Variants in STX6 observed in about 807,000 individuals in gnomAD.
STX6 encodes syntaxin-6.
In STX6, 23 loss-of-function variants were observed where a neutral mutation model predicts 38.0. That is an observed-to-expected ratio of 0.60 (90% CI 0.43 to 0.86). STX6 has a LOEUF of 0.86. STX6 is among the 40% of genes least tolerant of loss of function. The pLI is 0.00. For missense variants in STX6, 274 were observed against 312.9 expected (o/e 0.88, Z 0.94); for synonymous variants, 123 against 107.5 (o/e 1.14, Z -0.89).
intron 1 of STX6, among the ~76,000 whole-genome samples, chr1:181,009,666 G>T (rs777882204): frequency 1.3e-5 from 2 of 152,146 alleles, no homozygotes; most frequent in African/African-American, 4.8e-5. Flanking sequence ...AGGTGGTGGG[G>T]TAACTGGAAT....
At chr1:180,982,248 CA>C (rs1655437568) in intron 7 of STX6, among the ~76,000 whole-genome samples, 1 of 152,050 alleles carries the variant, frequency 6.6e-6, no homozygotes, top group Admixed American at 6.5e-5. Flanking sequence ...TGAACTTCTG[CA>C]AAAATTATGG....
intron 7 of STX6, chr1:180,980,544 ACT>A (rs1655377698): frequency 2.2e-5 from 1 of 44,874 alleles, no homozygotes; most frequent in Non-Finnish European, 4.5e-5. Flanking sequence ...AAAAACCTGC[ACT>A]TTTTTTTTTT....
At chr1:180,979,437 C>T (rs1655341168) in intron 7 of STX6, among the ~76,000 whole-genome samples, 1 of 152,194 alleles carries the variant, frequency 6.6e-6, no homozygotes, top group African/African-American at 2.4e-5. Flanking sequence ...TGCAATACAA[C>T]AGAGCAAAGA....
intron 5 of STX6, chr1:180,988,597 T>C (rs1051483900): frequency 5.3e-6 from 2 of 375,240 alleles, no homozygotes; most frequent in Non-Finnish European, 1.0e-5. Flanking sequence ...CCAAGAGAGA[T>C]TTACTCTGGT....
intron 3 of STX6, among the ~76,000 whole-genome samples, chr1:180,999,327 C>G (rs1234977499): frequency 6.6e-6 from 1 of 152,158 alleles, no homozygotes; most frequent in African/African-American, 2.4e-5. Flanking sequence ...CTGCCATATA[C>G]TGCAAAACCT....
At chr1:181,012,669 A>ATTTTTTTTTTT (rs1558099149) in intron 1 of STX6, among the ~76,000 whole-genome samples, 1 of 108,278 alleles carries the variant, frequency 9.2e-6, no homozygotes, top group African/African-American at 3.6e-5. Context: ...AGATTCTTCC[A>ATTTTTTTTTTT]TTCTTTTTTT....
At position 181,009,918 on chromosome 1, in the gene STX6, TACA is replaced by T. The variant is rs147157957; in HGVS notation, c.36-4458_36-4456del. 9.6e-3 allele frequency among the ~76,000 whole-genome samples: 1,460 copies of T among 152,292 alleles called. 26 individuals are homozygous for T. Among genetic ancestry groups the T allele is most frequent in the African/African-American group, 0.033 (1,382 of 41,544 alleles). ...TAAAAAGGAACAAACTACAGCTACA[TACA>T]ACAACATAGATGAATCTCAAATGCA... is the stretch of plus-strand genomic sequence containing the variant. On this transcript the variant is annotated intron_variant, in intron 1 of 7. Transcript: ENST00000258301.
In STX6 at chr1:180,988,325, A is replaced by C. The variant is rs201572667; in HGVS notation, c.510T>G (p.Asp170Glu). The C allele has an allele frequency of 8.7e-6, 14 of 1,613,792 alleles. No individual in the cohort carries two copies. Among genetic ancestry groups the C allele is most frequent in the Admixed American group, 8.3e-5 (5 of 60,000 alleles). The change falls in exon 6 of 8, where the codon GAT (aspartate) becomes GAG (glutamate). Residue 170 changes from aspartate to glutamate, a missense_variant. Transcript: ENST00000258301. ...TGCCAGAGACCAGCTCCAACTGCTC[A>C]TCCTGCTGTTCCACGATCAACTGGT... ...AQQQLIVEQQ[D>E]EQLELVSGSI...
At chr1:180,980,219 A>AC in intron 7 of STX6, among the ~76,000 whole-genome samples, 1 of 151,094 alleles carries the variant, frequency 6.6e-6, no homozygotes, top group East Asian at 1.9e-4. Flanking sequence ...AAAAAAAAAA[A>AC]AAAACACCAT....
intron 1 of STX6, among the ~76,000 whole-genome samples, chr1:181,015,764 A>C (rs1335977619): frequency 6.6e-6 from 1 of 151,924 alleles, no homozygotes; most frequent in East Asian, 1.9e-4. Context: ...GGTTCAAGCA[A>C]TTCTCCTGCC....
At chr1:181,007,949 T>C (rs1216882612) in intron 1 of STX6, among the ~76,000 whole-genome samples, 2 of 152,250 alleles carry the variant, frequency 1.3e-5, no homozygotes, top group Non-Finnish European at 2.9e-5. Context: ...TGGATTCTCA[T>C]ATCCACTTCT....
intron 2 of STX6, among the ~76,000 whole-genome samples, chr1:181,004,089 C>T (rs1040612242): frequency 1.3e-5 from 2 of 152,216 alleles, no homozygotes; most frequent in Non-Finnish European, 2.9e-5. Flanking sequence ...ATTCTAAACT[C>T]TTTACCTGTA....
In STX6 at chr1:181,022,828, A is replaced by T. The variant is rs1656786402; in HGVS notation, c.-155T>A. ...CACGCGCACAGGCCAGGTGCACAGG[A>T]CGGCCGCTGGTCCAGCACTCGCTCA... is the stretch of plus-strand genomic sequence containing the variant. On this transcript the variant is annotated 5_prime_UTR_variant, in exon 1 of 8. Transcript: ENST00000258301. 1 of 688,222 alleles carries T rather than the reference A, an allele frequency of 1.5e-6. No homozygotes were observed. The highest frequency in any genetic ancestry group is 1.8e-5 in the South Asian group (1 of 55,274). 42.6% of individuals were successfully genotyped at this position (688,222 alleles called of 1,614,324 possible). A position where few individuals can be genotyped will look rare whatever the true frequency, so the allele number is the denominator to read the frequency against.
intron 3 of STX6, among the ~76,000 whole-genome samples, chr1:180,995,866 G>T (rs1168896984): frequency 6.6e-6 from 1 of 152,166 alleles, no homozygotes; most frequent in Non-Finnish European, 1.5e-5. Flanking sequence ...GCAGTGGGGG[G>T]TAGAGACATT....
intron 7 of STX6, among the ~76,000 whole-genome samples, chr1:180,981,186 T>C (rs1655404355): frequency 6.6e-6 from 1 of 152,150 alleles, no homozygotes; most frequent in Non-Finnish European, 1.5e-5. Flanking sequence ...TTGCGGATGA[T>C]TAATGATGTG....
At chr1:181,014,624 C>T (rs780763993) in intron 1 of STX6, among the ~76,000 whole-genome samples, 7 of 152,128 alleles carry the variant, frequency 4.6e-5, no homozygotes, top group Non-Finnish European at 1.0e-4. Flanking sequence ...GTTGAGTGAG[C>T]CTCTGCAACA....
At chr1:180,992,801 AAAGAG>A (rs1198199862) in intron 4 of STX6, among the ~76,000 whole-genome samples, 26 of 152,368 alleles carry the variant, frequency 1.7e-4, no homozygotes, top group African/African-American at 5.3e-4. Context: ...TACTTAAAAC[AAAGAG>A]AAACTTAATT....
chr1:180,994,107 A>G (rs1156489948), intron 3 of STX6, among the ~76,000 whole-genome samples: 3 of 152,234 alleles, frequency 2.0e-5, no homozygotes, highest in East Asian at 3.8e-4. Context: ...ACTTTATCTG[A>G]AGCAAAACAC....
chr1:180,995,219 C>T (rs1655871592), intron 3 of STX6, among the ~76,000 whole-genome samples: 1 of 152,004 alleles, frequency 6.6e-6, no homozygotes, highest in African/African-American at 2.4e-5. Flanking sequence ...CCTCGGCCGC[C>T]CAAAGTGCTG....
Sources: gnomAD v4.1 joint callset for allele counts (sites outside exome capture counted in the v4.1 genomes callset) on GRCh38, gnomAD v4.1.1 for gene constraint, MANE v1.5 for transcripts, NCBI Gene and HGNC (gene_info 2026-07-23, HGNC 2026-07-21) for gene names.